Variants in ELL observed in about 807,000 individuals in gnomAD.
ELL encodes the protein RNA polymerase II elongation factor ELL.
In ELL, 18 loss-of-function variants were observed where a neutral mutation model predicts 64.0. That is an observed-to-expected ratio of 0.28 (90% CI 0.19 to 0.42). ELL has a LOEUF of 0.42. ELL is among the 10% of genes least tolerant of loss of function. The pLI is 1.00. For missense variants in ELL, 797 were observed against 870.4 expected (o/e 0.92, Z 1.06); for synonymous variants, 399 against 376.2 (o/e 1.06, Z -0.70).
At chr19:18,464,808 C>T (rs536541927) in intron 4 of ELL, among the ~76,000 whole-genome samples, 1 of 152,344 alleles carries the variant, frequency 6.6e-6, no homozygotes, top group South Asian at 2.1e-4. Context: ...TGTAAACAAA[C>T]AGCACTGTGC....
At chr19:18,467,631 CCA>C (rs56351300) in intron 2 of ELL, among the ~76,000 whole-genome samples, 711 of 66,982 alleles carry the variant, frequency 0.011, 13 homozygotes, top group Middle Eastern at 0.038. Context: ...CACCACACAA[CCA>C]CACACACACA....
In ELL at chr19:18,451,565, G is replaced by A; in HGVS notation, c.953C>T (p.Ala318Val). The part of the protein sequence containing the change: ...SSPPGERGRS[A>V]SPPQKRLQPP... The stretch of plus-strand genomic sequence containing the variant: ...TGCCTCACTTACCTGTGGGGGCGAG[G>A]CCGAGCGCCCACGCTCGCCTGGGGG... Residue 318 changes from alanine (A) to valine (V), a missense_variant, in exon 7 of 12, where the codon GCC becomes GTC. Physicochemically the swap from Ala to Val is moderately conservative, Grantham distance 64. Transcript: ENST00000262809. The A allele has an allele frequency of 6.7e-7, 1 of 1,490,918 alleles. No homozygotes were observed. 92.4% of individuals were successfully genotyped at this position (1,490,918 alleles called of 1,614,324 possible).
At chr19:18,463,952 C>T (rs2144917794) in intron 4 of ELL, among the ~76,000 whole-genome samples, 1 of 150,928 alleles carries the variant, frequency 6.6e-6, no homozygotes, top group Non-Finnish European at 1.5e-5. Flanking sequence ...CGCCACTGCA[C>T]TCCAGCCTGG....
At chr19:18,494,281 T>G (rs1384049507) in intron 1 of ELL, among the ~76,000 whole-genome samples, 2 of 149,848 alleles carry the variant, frequency 1.3e-5, no homozygotes, top group Non-Finnish European at 3.0e-5. Context: ...AAGGGGAGGG[T>G]CAAAGAGAGA....
intron 6 of ELL, among the ~76,000 whole-genome samples, chr19:18,454,334 C>T (rs1047668738): frequency 6.6e-6 from 1 of 151,872 alleles, no homozygotes; most frequent in South Asian, 2.1e-4. Flanking sequence ...CTCATCTCTA[C>T]TAAAAATACA....
In ELL at chr19:18,444,234, C is replaced by T. The variant is rs147400393; in HGVS notation, c.*518G>A. 1 of 232,434 alleles carries T rather than the reference C, an allele frequency of 4.3e-6. No homozygotes were observed. Among genetic ancestry groups the T allele is most frequent in the African/African-American group, 2.2e-5 (1 of 45,238 alleles). 14.4% of individuals were successfully genotyped at this position (232,434 alleles called of 1,614,324 possible). On this transcript the variant is annotated 3_prime_UTR_variant, in exon 12 of 12. Coordinates refer to ENST00000262809, the MANE Select transcript of ELL (RefSeq NM_006532.4). Reference sequence around the variant, plus strand: ...CCAGCAGAGGCCACCTGCCCATTCCCCACGCCCTCAGAACGCAGCTGCACC... The same window carrying T: ...CCAGCAGAGGCCACCTGCCCATTCCTCACGCCCTCAGAACGCAGCTGCACC...
At chr19:18,521,240 AG>A (rs1215222406) in intron 1 of ELL, among the ~76,000 whole-genome samples, 2 of 151,936 alleles carry the variant, frequency 1.3e-5, no homozygotes, top group African/African-American at 4.8e-5. Flanking sequence ...CCGGAGAGAG[AG>A]GGTCACCTGG....
chr19:18,446,598 G>A (rs1974422511), intron 9 of ELL, 118 bp from the exon 10 acceptor site: 1 of 1,495,936 alleles, frequency 6.7e-7, no homozygotes, highest in Admixed American at 2.1e-5. Context: ...TGGATTATGA[G>A]GGGGCCTGGC....
At chr19:18,458,839 C>T (rs889848845) in intron 5 of ELL, among the ~76,000 whole-genome samples, 2 of 152,026 alleles carry the variant, frequency 1.3e-5, no homozygotes, top group Non-Finnish European at 2.9e-5. Flanking sequence ...GTTGTCCAGG[C>T]TTGTCTTGAA....
At chr19:18,454,740 C>T (rs894012744) in intron 6 of ELL, among the ~76,000 whole-genome samples, 5 of 148,952 alleles carry the variant, frequency 3.4e-5, no homozygotes, top group African/African-American at 1.2e-4. Flanking sequence ...ACTCGGGAAG[C>T]TGAGGTAGGC....
intron 6 of ELL, among the ~76,000 whole-genome samples, chr19:18,454,083 A>G (rs1463819616): frequency 6.6e-6 from 1 of 152,212 alleles, no homozygotes; most frequent in East Asian, 1.9e-4. Context: ...AATTTTCTGG[A>G]ACTAGACAGA....
intron 1 of ELL, among the ~76,000 whole-genome samples, chr19:18,513,061 G>A (rs1600507878): frequency 6.6e-6 from 1 of 152,268 alleles, no homozygotes; most frequent in Non-Finnish European, 1.5e-5. Flanking sequence ...TCTGAAGAAC[G>A]GTGAGAAGGA....
chr19:18,487,090 C>T (rs1208573512), intron 1 of ELL, among the ~76,000 whole-genome samples: 4 of 152,192 alleles, frequency 2.6e-5, no homozygotes, highest in South Asian at 2.1e-4. Flanking sequence ...AGGCCCTGTG[C>T]GTGTAGACCC....
chr19:18,478,772 A>G (rs992599349), intron 1 of ELL, among the ~76,000 whole-genome samples: 1 of 152,242 alleles, frequency 6.6e-6, no homozygotes, highest in Non-Finnish European at 1.5e-5. Flanking sequence ...ACCTCAACAC[A>G]GCAGGGCAGT....
chr19:18,459,081 T>C (rs1974746118), intron 5 of ELL, among the ~76,000 whole-genome samples: 1 of 152,086 alleles, frequency 6.6e-6, no homozygotes, highest in African/African-American at 2.4e-5. Flanking sequence ...GATCTCAGTA[T>C]TTTGCATAGG....
At chr19:18,481,326 T>A (rs1975295491) in intron 1 of ELL, among the ~76,000 whole-genome samples, 1 of 152,066 alleles carries the variant, frequency 6.6e-6, no homozygotes, top group African/African-American at 2.4e-5. Context: ...GGGCCAGAAG[T>A]CTGAAATCCA....
intron 6 of ELL, among the ~76,000 whole-genome samples, chr19:18,457,272 G>A (rs1448232029): frequency 6.6e-6 from 1 of 152,218 alleles, no homozygotes; most frequent in Non-Finnish European, 1.5e-5. Flanking sequence ...CACTAGCTCT[G>A]GGCAGTTCTC....
chr19:18,445,955 G>C (rs747576937), intron 10 of ELL, among the ~76,000 whole-genome samples: 24 of 152,034 alleles, frequency 1.6e-4, no homozygotes, highest in Non-Finnish European at 2.9e-4. Flanking sequence ...GTCTCCTGAG[G>C]GTTTGGCACA....
intron 8 of ELL, among the ~76,000 whole-genome samples, chr19:18,447,302 C>A (rs1301087833): frequency 6.6e-6 from 1 of 152,230 alleles, no homozygotes; most frequent in Admixed American, 6.5e-5. Flanking sequence ...AGGACAAAGA[C>A]AAGATGGCCA....
Sources: gnomAD v4.1 joint callset for allele counts (sites outside exome capture counted in the v4.1 genomes callset) on GRCh38, gnomAD v4.1.1 for gene constraint, MANE v1.5 for transcripts, NCBI Gene and HGNC (gene_info 2026-07-23, HGNC 2026-07-21) for gene names.